The following FBXL17 variants were observed in gnomAD, a reference collection of about 807,000 sequenced individuals.
FBXL17 encodes the protein F-box/LRR-repeat protein 17.
FBXL17 carries 22 observed loss-of-function variants against 66.2 expected under a neutral mutation model. That is an observed-to-expected ratio of 0.33 (90% CI 0.24 to 0.47). The LOEUF (loss-of-function observed/expected upper bound fraction) is 0.47. Ranked by LOEUF, FBXL17 falls within the 20% of genes least tolerant of loss-of-function variation. The pLI, the probability that FBXL17 is intolerant of heterozygous loss-of-function variation, is 1.00. For synonymous variants in FBXL17, 474 were observed against 400.5 expected (o/e 1.18, Z -2.19); for missense variants, 878 against 948.2 (o/e 0.93, Z 0.97).
intron 6 of FBXL17, among the ~76,000 whole-genome samples, chr5:108,075,817 A>G (rs553645733): frequency 2.6e-5 from 4 of 152,174 alleles, no homozygotes; most frequent in East Asian, 3.9e-4. Context: ...CCTTTCTCAC[A>G]GCTAAACTTT....
At chr5:107,981,191 G>C (rs1303162634) in intron 7 of FBXL17, among the ~76,000 whole-genome samples, 2 of 152,162 alleles carry the variant, frequency 1.3e-5, no homozygotes, top group East Asian at 3.9e-4. Context: ...AGCATGGCTT[G>C]AGCAGGAGTC....
chr5:107,989,400 C>A (rs1359292624), intron 7 of FBXL17, among the ~76,000 whole-genome samples: 3 of 152,034 alleles, frequency 2.0e-5, no homozygotes, highest in African/African-American at 7.2e-5. Context: ...TCTTTCTGTG[C>A]CTGGTTTATT....
intron 7 of FBXL17, among the ~76,000 whole-genome samples, chr5:107,966,964 A>G (rs1381118509): frequency 6.6e-6 from 1 of 152,112 alleles, no homozygotes; most frequent in Non-Finnish European, 1.5e-5. Context: ...CTGTCATCAT[A>G]AAACCAAAGT....
At chr5:108,258,414 A>T (rs2150122455) in intron 4 of FBXL17, among the ~76,000 whole-genome samples, 1 of 152,306 alleles carries the variant, frequency 6.6e-6, no homozygotes, top group Non-Finnish European at 1.5e-5. Context: ...CATGAACTTA[A>T]AAGGAACAAA....
intron 5 of FBXL17, among the ~76,000 whole-genome samples, chr5:108,219,514 C>A (rs546748115): frequency 6.6e-6 from 1 of 151,852 alleles, no homozygotes; most frequent in African/African-American, 2.4e-5. Flanking sequence ...GGTGAAACCC[C>A]GTCTCTATTA....
At chr5:108,354,985 G>A (rs1009441096) in intron 3 of FBXL17, among the ~76,000 whole-genome samples, 1 of 151,932 alleles carries the variant, frequency 6.6e-6, no homozygotes, top group Non-Finnish European at 1.5e-5. Flanking sequence ...GAGGGAATTT[G>A]TTGCCACTAG....
chr5:107,999,720 T>A (rs543030487), intron 7 of FBXL17, among the ~76,000 whole-genome samples: 2 of 152,292 alleles, frequency 1.3e-5, no homozygotes, highest in South Asian at 2.1e-4. Flanking sequence ...GAGGCAGGTC[T>A]ATCTTTATCT....
intron 4 of FBXL17, among the ~76,000 whole-genome samples, chr5:108,306,033 T>C (rs1758823389): frequency 6.6e-6 from 1 of 152,120 alleles, no homozygotes; most frequent in African/African-American, 2.4e-5. Context: ...AGATCCCCAA[T>C]ATCCAAGGGC....
intron 4 of FBXL17, among the ~76,000 whole-genome samples, chr5:108,294,225 G>GTA (rs541609700): frequency 1.1e-4 from 16 of 140,868 alleles, no homozygotes; most frequent in Admixed American, 3.6e-4. Flanking sequence ...TATATATATG[G>GTA]TATATATATA....
Position 108,172,265 on chromosome 5 carries a change from A to T in FBXL17, c.1745+13852T>A, listed in dbSNP as rs1465654896. On this transcript the variant is annotated intron_variant, in intron 6 of 8. Transcript: ENST00000542267. Reference sequence around the variant, plus strand: ...CAGTATTCCAAAAACGCAAGAACAGAAGTTGCAAGGCTTCTTGAAGCCAAA... The same window carrying T: ...CAGTATTCCAAAAACGCAAGAACAGTAGTTGCAAGGCTTCTTGAAGCCAAA... Among the ~76,000 whole-genome samples the T allele has an allele frequency of 3.3e-5, 5 of 152,210 alleles. No individual in the cohort carries two copies. In the East Asian group the frequency reaches 7.7e-4, roughly 23 times the overall value.
At chr5:107,881,360 T>C (rs1313155063) in intron 7 of FBXL17, among the ~76,000 whole-genome samples, 181 bp from the exon 8 acceptor site, 3 of 152,204 alleles carry the variant, frequency 2.0e-5, no homozygotes, top group African/African-American at 4.8e-5. Flanking sequence ...GACAAACCCA[T>C]TTGCAAAGTG....
At chr5:108,380,554 G>A in intron 1 of FBXL17, 145 bp downstream of exon 1, 1 of 439,232 alleles carries the variant, frequency 2.3e-6, no homozygotes, top group Admixed American at 4.4e-5. Context: ...AGGCCCCACT[G>A]GCTTCCCAGT....
chr5:108,334,910 A>G (rs1760306074), intron 4 of FBXL17, among the ~76,000 whole-genome samples: 1 of 152,184 alleles, frequency 6.6e-6, no homozygotes, highest in Admixed American at 6.5e-5. Context: ...ACTGCCATTC[A>G]CTGTCTGAAA....
chr5:108,261,482 GAATAT>G (rs1237719098), intron 4 of FBXL17, among the ~76,000 whole-genome samples: 2 of 151,960 alleles, frequency 1.3e-5, no homozygotes, highest in South Asian at 2.1e-4. Flanking sequence ...ATGAGTAAAA[GAATAT>G]AATATATTTT....
At chr5:108,249,001 CAGG>C (rs1487667699) in intron 4 of FBXL17, among the ~76,000 whole-genome samples, 12 of 152,188 alleles carry the variant, frequency 7.9e-5, no homozygotes, top group African/African-American at 2.2e-4. Context: ...GAAAGAGCAA[CAGG>C]AGAAGTAAAA....
chr5:108,045,927 A>G (rs1747237483), intron 6 of FBXL17, among the ~76,000 whole-genome samples: 1 of 152,218 alleles, frequency 6.6e-6, no homozygotes, highest in African/African-American at 2.4e-5. Context: ...AAAGAATGTG[A>G]AATACTGTTC....
At chr5:108,043,254 T>G (rs939121416) in intron 6 of FBXL17, among the ~76,000 whole-genome samples, 1 of 152,162 alleles carries the variant, frequency 6.6e-6, no homozygotes, top group African/African-American at 2.4e-5. Context: ...TCAATTTTCC[T>G]TTTATGGATC....
chr5:108,309,065 T>C (rs1198552051), intron 4 of FBXL17, among the ~76,000 whole-genome samples: 1 of 152,060 alleles, frequency 6.6e-6, no homozygotes, highest in African/African-American at 2.4e-5. Context: ...GGGATACTTA[T>C]AATACTGAAA....
intron 5 of FBXL17, among the ~76,000 whole-genome samples, chr5:108,194,813 GC>G (rs1160264754): frequency 1.3e-5 from 2 of 152,136 alleles, no homozygotes; most frequent in Non-Finnish European, 2.9e-5. Flanking sequence ...TGACGGCCAG[GC>G]CCCATACTTA....
Sources: allele counts gnomAD v4.1 joint callset (sites outside exome capture counted in the v4.1 genomes callset), GRCh38; gene constraint gnomAD v4.1.1; transcripts MANE v1.5; gene names NCBI Gene and HGNC (gene_info 2026-07-23, HGNC 2026-07-21).